The following ST3GAL4 variants were observed in gnomAD, a reference collection of about 807,000 sequenced individuals.
ST3GAL4 encodes ST3 beta-galactoside alpha-2,3-sialyltransferase 4.
Under a neutral mutation model 42.6 loss-of-function variants are expected in ST3GAL4, and 24 were observed. That is an observed-to-expected ratio of 0.56 (90% CI 0.41 to 0.79). ST3GAL4 has a LOEUF of 0.79. Among genes scored for constraint, ST3GAL4 ranks in the 30% least tolerant of loss-of-function variants. ST3GAL4 has a pLI of 0.00. For missense variants in ST3GAL4, 311 were observed against 430.8 expected, an observed-to-expected ratio of 0.72 and a Z score of 2.46; for synonymous variants, 135 against 163.2, an observed-to-expected ratio of 0.83 and a Z score of 1.32.
chr11:126,365,648 T>C (rs1285514903), intron 1 of ST3GAL4, among the ~76,000 whole-genome samples: 2 of 152,230 alleles, frequency 1.3e-5, no homozygotes, highest in Admixed American at 6.5e-5. Context: ...CTCCCAGTTA[T>C]GGGTGCAGAT....
chr11:126,389,472 C>T (rs1203737976), intron 1 of ST3GAL4, among the ~76,000 whole-genome samples: 1 of 152,198 alleles, frequency 6.6e-6, no homozygotes, highest in Non-Finnish European at 1.5e-5. Flanking sequence ...ATTCTTTCAT[C>T]ATACACACAA....
rs1160708957 is a variant in ST3GAL4, at chr11:126,398,075, T to TA, written c.-60-8020dup. Among the ~76,000 whole-genome samples the TA allele has an allele frequency of 2.6e-5, 4 of 152,240 alleles. No homozygotes were observed. Among genetic ancestry groups the TA allele is most frequent in the African/African-American group, 9.6e-5 (4 of 41,454 alleles). ...CTTCTTACCTATAATCCCAAATTCT[T>TA]ATTTGTTTCAGCACCACATTAAAAG... On this transcript the variant is annotated intron_variant, in intron 1 of 10. Coordinates refer to ENST00000444328, the MANE Select transcript of ST3GAL4 (RefSeq NM_001254757.2). The surrounding 1 kb of genome is among the most constrained non-coding windows in gnomAD (Gnocchi z 4.7).
chr11:126,362,694 C>G (rs1334956813), intron 1 of ST3GAL4, among the ~76,000 whole-genome samples: 1 of 152,176 alleles, frequency 6.6e-6, no homozygotes, highest in Non-Finnish European at 1.5e-5. Context: ...CCTTTGTCCC[C>G]GTCCACTTAC....
rs1484967409 is a variant in ST3GAL4, at chr11:126,363,171, G to A, written c.-61+7329G>A. Among the ~76,000 whole-genome samples, 2 of 152,194 alleles carry A rather than the reference G, an allele frequency of 1.3e-5. No homozygotes were observed. The highest frequency in any genetic ancestry group is 2.1e-4 in the South Asian group (1 of 4,834). On this transcript the variant is annotated intron_variant, in intron 1 of 10. Coordinates refer to ENST00000444328, the MANE Select transcript of ST3GAL4 (RefSeq NM_001254757.2). This position sits in a 1 kb window ranked among gnomAD's most constrained non-coding sequence, Gnocchi z 4.6. ...ATTGTCCTCACAGGCAGTGTGGGCC[G>A]TTTCTCTAGACCTCCTGCCCCCATC... is the stretch of plus-strand genomic sequence containing the variant.
rs1275889246 is a variant in ST3GAL4 at position 126,408,516 on chromosome 11, G to A, written c.627+20G>A. The A allele has an allele frequency of 6.2e-7, 1 of 1,612,952 alleles. No individual in the cohort carries two copies. The highest frequency in any genetic ancestry group is 1.7e-5 in the Admixed American group (1 of 60,012). On this transcript the variant is annotated intron_variant, in intron 8 of 10. Coordinates refer to ENST00000444328, the MANE Select transcript of ST3GAL4 (RefSeq NM_001254757.2). ...AAGCGGGTAAGTTGGGGGACAGACTGGGGGCTGAGGCCTGGCGGTGGGGAC... is the reference window on the plus strand; with the variant it reads ...AAGCGGGTAAGTTGGGGGACAGACTAGGGGCTGAGGCCTGGCGGTGGGGAC...
intron 1 of ST3GAL4, among the ~76,000 whole-genome samples, chr11:126,404,579 G>C (rs946287547): frequency 9.9e-5 from 15 of 152,228 alleles, no homozygotes; most frequent in Admixed American, 9.2e-4. Flanking sequence ...AGATTGCTGT[G>C]GGGTGAGGGG....
chr11:126,372,580 C>T (rs1460655274), intron 1 of ST3GAL4, among the ~76,000 whole-genome samples: 2 of 151,986 alleles, frequency 1.3e-5, no homozygotes, highest in African/African-American at 4.8e-5. Flanking sequence ...CCACACCCGG[C>T]TAATTTTGTA....
intron 1 of ST3GAL4, among the ~76,000 whole-genome samples, chr11:126,360,711 C>T (rs949491331): frequency 3.9e-5 from 6 of 152,130 alleles, no homozygotes; most frequent in Admixed American, 6.5e-5. Context: ...CGTGAGCCAC[C>T]GTGCCCAGCC....
intron 1 of ST3GAL4, among the ~76,000 whole-genome samples, chr11:126,365,647 A>G (rs1354924897): frequency 1.3e-5 from 2 of 152,164 alleles, no homozygotes; most frequent in Admixed American, 6.5e-5. Context: ...CCTCCCAGTT[A>G]TGGGTGCAGA....
At position 126,397,848 on chromosome 11, in the gene ST3GAL4, AACCCATTCATGAGAACAGAGCCCTTG is replaced by A. The variant is rs1269672987; in HGVS notation, c.-60-8223_-60-8198del. Among the ~76,000 whole-genome samples the A allele has an allele frequency of 9.9e-5, 15 of 152,110 alleles. No homozygotes were observed. The highest frequency in any genetic ancestry group is 1.9e-4 in the African/African-American group (8 of 41,424). ...ACCCACTCCTGTAATAATGGCATTAAACCCATTCATGAGAACAGAGCCCTTGACCCATTCATGAGAACAGAGCCCTC... is the reference window on the plus strand; with the variant it reads ...ACCCACTCCTGTAATAATGGCATTAAACCCATTCATGAGAACAGAGCCCTC... On this transcript the variant is annotated intron_variant, in intron 1 of 10. Transcript: ENST00000444328. The surrounding 1 kb of genome is among the most constrained non-coding windows in gnomAD (Gnocchi z 5.0).
In ST3GAL4 at chr11:126,363,305, C is replaced by G. The variant is rs1030879359; in HGVS notation, c.-61+7463C>G. 3.3e-5 allele frequency among the ~76,000 whole-genome samples: 5 copies of G among 152,218 alleles called. No homozygotes were observed. Among genetic ancestry groups the G allele is most frequent in the African/African-American group, 1.2e-4 (5 of 41,450 alleles). On this transcript the variant is annotated intron_variant, in intron 1 of 10. Transcript: ENST00000444328. The surrounding 1 kb of genome is among the most constrained non-coding windows in gnomAD (Gnocchi z 4.6). ...CATCTTCAGTGATCCCTCCTCCTTCCTTTCTGCCTCCTCTGCATTCTCTCC... is the reference window on the plus strand; with the variant it reads ...CATCTTCAGTGATCCCTCCTCCTTCGTTTCTGCCTCCTCTGCATTCTCTCC...
At position 126,373,293 on chromosome 11, in the gene ST3GAL4, C is replaced by T. The variant is rs565758430; in HGVS notation, c.-61+17451C>T. 3.2e-4 allele frequency among the ~76,000 whole-genome samples: 49 copies of T among 152,160 alleles called. No homozygotes were observed. Among genetic ancestry groups the T allele is most frequent in the Non-Finnish European group, 6.6e-4 (45 of 68,028 alleles). On this transcript the variant is annotated intron_variant, in intron 1 of 10. Coordinates refer to ENST00000444328, the MANE Select transcript of ST3GAL4 (RefSeq NM_001254757.2). The surrounding 1 kb of genome is among the most constrained non-coding windows in gnomAD (Gnocchi z 5.5). ...GCAACTTCCCCAATTTTGCCTTTAA[C>T]TTCAGATCCTTGGGGTGGGTGCATT...
At chr11:126,367,311 T>A (rs1952466884) in intron 1 of ST3GAL4, among the ~76,000 whole-genome samples, 1 of 152,158 alleles carries the variant, frequency 6.6e-6, no homozygotes, top group African/African-American at 2.4e-5. Flanking sequence ...TGGGTGAATC[T>A]GAGTCGAGGG....
rs541011845 is a variant in ST3GAL4, at chr11:126,377,561, T to C, written c.-61+21719T>C. 4.0e-5 allele frequency among the ~76,000 whole-genome samples: 6 copies of C among 150,094 alleles called. No homozygotes were observed. In the East Asian group the frequency reaches 1.2e-3, roughly 30 times the overall value. On this transcript the variant is annotated intron_variant, in intron 1 of 10. Transcript: ENST00000444328. ...GTGCAGTGGTGTGATCTTGGCTCACTGCAGCCTCTACCTCCTGGGTTCAAG... is the reference window on the plus strand; with the variant it reads ...GTGCAGTGGTGTGATCTTGGCTCACCGCAGCCTCTACCTCCTGGGTTCAAG...
rs768560304 is a variant in ST3GAL4, at chr11:126,406,515, T to C, written c.59T>C (p.Met20Thr). 1 of 1,614,176 alleles carries C rather than the reference T, an allele frequency of 6.2e-7. No individual in the cohort carries two copies. The highest frequency in any genetic ancestry group is 8.5e-7 in the Non-Finnish European group (1 of 1,180,032). Residue 20 changes from methionine to threonine, a missense_variant, in exon 3 of 11, where the codon ATG (methionine) becomes ACG (threonine). Coordinates refer to ENST00000444328, the MANE Select transcript of ST3GAL4 (RefSeq NM_001254757.2). The surrounding 1 kb of genome is among the most constrained non-coding windows in gnomAD (Gnocchi z 5.4). ...ATGTTGGCTCTGGTCCTGGTCGTCA[T>C]GGTGTGGTATTCCATCTCCCGGGAA... ...LAMLALVLVV[M>T]VWYSISREDR...
chr11:126,404,850 C>T (rs1460994161), intron 1 of ST3GAL4, among the ~76,000 whole-genome samples: 6 of 152,194 alleles, frequency 3.9e-5, no homozygotes, highest in Admixed American at 6.5e-5. Flanking sequence ...GGAATGAGCC[C>T]GCTGGGGAGC....
chr11:126,400,002 CCCTT>C lies in ST3GAL4; in HGVS notation c.-60-6088_-60-6085del, dbSNP rs1953936275. The stretch of plus-strand genomic sequence containing the variant: ...TTATTGCCTGCCTGCCTCCCTCCCT[CCCTT>C]CCTTCTTTCCTCTCTGCTCTCTCTC... On this transcript the variant is annotated intron_variant, in intron 1 of 10. Coordinates refer to ENST00000444328, the MANE Select transcript of ST3GAL4 (RefSeq NM_001254757.2). The surrounding 1 kb of genome is among the most constrained non-coding windows in gnomAD (Gnocchi z 4.6). Among the ~76,000 whole-genome samples the C allele has an allele frequency of 6.6e-6, 1 of 152,106 alleles. No homozygotes were observed. Among genetic ancestry groups the C allele is most frequent in the South Asian group, 2.1e-4 (1 of 4,824 alleles).
rs1022554167 is a variant in ST3GAL4, at chr11:126,373,830, G to A, written c.-61+17988G>A. ...GAGCCAGGAAGCCTCCCCGTGCCCA[G>A]GCGTGCTGTGATCACAGTGTTCAAT... On this transcript the variant is annotated intron_variant, in intron 1 of 10. Transcript: ENST00000444328. This position sits in a 1 kb window ranked among gnomAD's most constrained non-coding sequence, Gnocchi z 5.5. Among the ~76,000 whole-genome samples the A allele has an allele frequency of 6.6e-6, 1 of 152,060 alleles. No individual in the cohort carries two copies. The highest frequency in any genetic ancestry group is 1.5e-5 in the Non-Finnish European group (1 of 68,028).
chr11:126,365,936 C>T (rs1952409067), intron 1 of ST3GAL4, among the ~76,000 whole-genome samples: 1 of 152,188 alleles, frequency 6.6e-6, no homozygotes, highest in South Asian at 2.1e-4. Flanking sequence ...TGCCCTGGGA[C>T]ACTCTCCAGG....
Sources: allele counts gnomAD v4.1 joint callset (sites outside exome capture counted in the v4.1 genomes callset), GRCh38; gene constraint gnomAD v4.1.1; non-coding constraint Gnocchi (gnomAD v3.1); transcripts MANE v1.5; gene names NCBI Gene and HGNC (gene_info 2026-07-23, HGNC 2026-07-21).